FAT3: variants seen among roughly 807,000 people sequenced by gnomAD.
FAT3 encodes FAT atypical cadherin 3.
In FAT3, 95 loss-of-function variants were observed where a neutral mutation model predicts 310.2. The observed-to-expected ratio is 0.31, with a 90% CI of 0.26 to 0.36. The LOEUF is 0.36. Among genes scored for constraint, FAT3 ranks in the 10% least tolerant of loss-of-function variants. The pLI is 1.00. For synonymous variants in FAT3, 2,314 were observed against 2,192.9 expected, an observed-to-expected ratio of 1.06 and a Z score of -1.54; for missense variants, 5,408 against 5,715.6, an observed-to-expected ratio of 0.95 and a Z score of 1.74.
intron 1 of FAT3, among the ~76,000 whole-genome samples, chr11:92,238,047 G>A (rs531162142): frequency 6.6e-6 from 1 of 152,218 alleles, no homozygotes; most frequent in Admixed American, 6.6e-5. Flanking sequence ...GTTAGGAGCA[G>A]AAACAAGGTC....
chr11:92,710,930 A>G (rs1350514054), intron 4 of FAT3, among the ~76,000 whole-genome samples: 2 of 152,204 alleles, frequency 1.3e-5, no homozygotes, highest in African/African-American at 4.8e-5. Context: ...TAGAAATTAC[A>G]TAGTGCCTAT....
intron 1 of FAT3, among the ~76,000 whole-genome samples, chr11:92,225,386 G>T (rs1863861746): frequency 6.6e-6 from 1 of 152,136 alleles, no homozygotes; most frequent in Admixed American, 6.5e-5. Flanking sequence ...CTGCAAACAG[G>T]AGAAGAGGGT....
intron 7 of FAT3, among the ~76,000 whole-genome samples, chr11:92,775,829 G>T (rs1256369335): frequency 6.6e-6 from 1 of 152,074 alleles, no homozygotes; most frequent in African/African-American, 2.4e-5. Context: ...TCTCAAAATT[G>T]CCCCATTTGG....
In FAT3 at chr11:92,610,530, G is replaced by T. The variant is rs141274417; in HGVS notation, c.3607+85582G>T. Among the ~76,000 whole-genome samples, 122 of 152,164 alleles carry T rather than the reference G, an allele frequency of 8.0e-4. 1 individual carries two copies. Among genetic ancestry groups the T allele is most frequent in the African/African-American group, 2.7e-3 (114 of 41,510 alleles). On this transcript the variant is annotated intron_variant, in intron 3 of 27. Transcript: ENST00000525166. ...CCAACTTCCTTTTTTAGACTTTCAAGTGTCTTTTTTCATTTTCTCCTTCGA... is the reference window on the plus strand; with the variant it reads ...CCAACTTCCTTTTTTAGACTTTCAATTGTCTTTTTTCATTTTCTCCTTCGA...
chr11:92,659,213 A>G (rs1942687170), intron 3 of FAT3, among the ~76,000 whole-genome samples: 1 of 152,222 alleles, frequency 6.6e-6, no homozygotes, highest in Non-Finnish European at 1.5e-5. Context: ...GAGGCTAACC[A>G]GCTTGCCGCA....
intron 22 of FAT3, among the ~76,000 whole-genome samples, chr11:92,869,724 G>A (rs995251245): frequency 6.6e-6 from 1 of 152,214 alleles, no homozygotes; most frequent in African/African-American, 2.4e-5. Context: ...AAACTATGTA[G>A]CTAATTAAAA....
chr11:92,784,855 G>T (rs571750056), intron 7 of FAT3, among the ~76,000 whole-genome samples: 32 of 152,170 alleles, frequency 2.1e-4, no homozygotes, highest in African/African-American at 7.7e-4. Context: ...CTTCATGAAG[G>T]TCAGGGCAGG....
At chr11:92,724,422 A>G (rs1565542267) in intron 4 of FAT3, among the ~76,000 whole-genome samples, 1 of 152,220 alleles carries the variant, frequency 6.6e-6, no homozygotes, top group Non-Finnish European at 1.5e-5. Flanking sequence ...TCCCAGATTC[A>G]GAGGATAGGG....
At chr11:92,511,159 G>A (rs913416889) in intron 2 of FAT3, among the ~76,000 whole-genome samples, 1 of 152,178 alleles carries the variant, frequency 6.6e-6, no homozygotes, top group Admixed American at 6.5e-5. Flanking sequence ...CTCCATTTGC[G>A]TTCTAGGTAG....
At chr11:92,306,744 AATAT>A (rs897221557) in intron 1 of FAT3, among the ~76,000 whole-genome samples, 7 of 118,794 alleles carry the variant, frequency 5.9e-5, no homozygotes, top group Admixed American at 4.6e-4. Context: ...TTTATATATA[AATAT>A]ATATAAATAT....
chr11:92,442,959 T>C (rs1185884927), intron 2 of FAT3, among the ~76,000 whole-genome samples: 2 of 152,214 alleles, frequency 1.3e-5, no homozygotes, highest in East Asian at 3.8e-4. Context: ...CCGTGCATGA[T>C]ATATGTAAAC....
intron 3 of FAT3, among the ~76,000 whole-genome samples, chr11:92,535,770 A>G (rs1954236620): frequency 6.6e-6 from 1 of 151,280 alleles, no homozygotes; most frequent in Non-Finnish European, 1.5e-5. Context: ...TACTATAGTC[A>G]TTTCAAGACT....
At chr11:92,365,711 A>C (rs1322311404) in intron 2 of FAT3, among the ~76,000 whole-genome samples, 1 of 152,216 alleles carries the variant, frequency 6.6e-6, no homozygotes, top group Non-Finnish European at 1.5e-5. Context: ...TGAAAGACAC[A>C]CTTGGACAGG....
chr11:92,465,903 A>G (rs1172542728), intron 2 of FAT3, among the ~76,000 whole-genome samples: 1 of 152,186 alleles, frequency 6.6e-6, no homozygotes, highest in Non-Finnish European at 1.5e-5. Context: ...GGGAAAAAAA[A>G]AGATTGGAGA....
In FAT3 at chr11:92,847,524, G is replaced by A. The variant is rs903625945; in HGVS notation, c.11365+2792G>A. On this transcript the variant is annotated intron_variant, in intron 19 of 27. Transcript: ENST00000525166. ...ATGTGATTTTCCTAGCAGAATGATCGCCAGCCTCACAATACAATCCCAGTA... is the reference window on the plus strand; with the variant it reads ...ATGTGATTTTCCTAGCAGAATGATCACCAGCCTCACAATACAATCCCAGTA... 3.9e-5 allele frequency among the ~76,000 whole-genome samples: 6 copies of A among 152,232 alleles called. No individual in the cohort carries two copies. The South Asian group carries it at 6.2e-4, about 16-fold the overall frequency.
chr11:92,640,903 G>A (rs141810048), intron 3 of FAT3, among the ~76,000 whole-genome samples: 4 of 152,170 alleles, frequency 2.6e-5, no homozygotes, highest in South Asian at 2.1e-4. Context: ...TAGATACTAC[G>A]TGATAGAAAA....
chr11:92,751,969 G>A (rs1053037716), intron 4 of FAT3, among the ~76,000 whole-genome samples: 1 of 151,976 alleles, frequency 6.6e-6, no homozygotes, highest in Non-Finnish European at 1.5e-5. Context: ...AGTGACAATC[G>A]TAGGTAAATG....
intron 1 of FAT3, among the ~76,000 whole-genome samples, chr11:92,249,467 C>A (rs536688203): frequency 6.6e-6 from 1 of 152,200 alleles, no homozygotes; most frequent in East Asian, 1.9e-4. Flanking sequence ...TGCCATCGAC[C>A]AAGCATTCTG....
chr11:92,489,352 G>A (rs1187880424), intron 2 of FAT3, among the ~76,000 whole-genome samples: 1 of 152,034 alleles, frequency 6.6e-6, no homozygotes, highest in African/African-American at 2.4e-5. Flanking sequence ...GCCTATTCCC[G>A]ATCATTATGC....
Sources: allele counts gnomAD v4.1 joint callset (sites outside exome capture counted in the v4.1 genomes callset), GRCh38; gene constraint gnomAD v4.1.1; transcripts MANE v1.5; gene names NCBI Gene and HGNC (gene_info 2026-07-23, HGNC 2026-07-21).